The following MYPN variants were observed in gnomAD, a reference collection of about 807,000 sequenced individuals.
MYPN encodes the protein sarcomeric protein myopalladin, 145 kDa (MYOP).
A neutral mutation model predicts 129.4 loss-of-function variants in MYPN; 63 were observed. That is an observed-to-expected ratio of 0.49 (90% CI 0.40 to 0.60). The LOEUF is 0.60. Among genes scored for constraint, MYPN ranks in the 20% least tolerant of loss-of-function variants. MYPN has a pLI of 0.00. For missense variants in MYPN, 1,596 were observed against 1,635.4 expected (o/e 0.98, Z 0.42); for synonymous variants, 629 against 600.9 (o/e 1.05, Z -0.68).
In MYPN at chr10:68,175,309, G is replaced by T; in HGVS notation, c.2565-14G>T. 2 of 1,613,828 alleles carry T rather than the reference G, an allele frequency of 1.2e-6. No individual in the cohort carries two copies. Among genetic ancestry groups the T allele is most frequent in the Non-Finnish European group, 1.7e-6 (2 of 1,179,884 alleles). On this transcript the variant is annotated splice_polypyrimidine_tract_variant and intron_variant, in intron 11 of 19. Coordinates refer to ENST00000358913, the MANE Select transcript of MYPN (RefSeq NM_032578.4). ...GCTTTTCATGGGTGTGTCAGGTGTGGATTTATCTTACAGGCCATCCCAGGG... is the reference window on the plus strand; with the variant it reads ...GCTTTTCATGGGTGTGTCAGGTGTGTATTTATCTTACAGGCCATCCCAGGG...
At position 68,121,494 on chromosome 10, in the gene MYPN, G is replaced by A. The variant is rs1379540680; in HGVS notation, c.56G>A (p.Ser19Asn). Residue 19 changes from serine (S) to asparagine (N), a missense_variant, in exon 2 of 20, where the codon AGC becomes AAC. By Grantham distance (46) the Ser-to-Asn change is conservative. Coordinates refer to ENST00000358913, the MANE Select transcript of MYPN (RefSeq NM_032578.4). ...STSISQLLRE[S>N]YLAETRHRGN... ...TCCATATCTCAGCTTCTAAGAGAGAGCTATTTAGCTGAAACCAGACATCGG... is the reference window on the plus strand; with the variant it reads ...TCCATATCTCAGCTTCTAAGAGAGAACTATTTAGCTGAAACCAGACATCGG... 1 of 1,614,028 alleles carries A rather than the reference G, an allele frequency of 6.2e-7. No homozygotes were observed. Among genetic ancestry groups the A allele is most frequent in the Non-Finnish European group, 8.5e-7 (1 of 1,179,990 alleles).
rs750655311 is a variant in MYPN, at chr10:68,206,873, G to A, written c.3763G>A (p.Val1255Met). Residue 1255 changes from valine (V) to methionine (M), a missense_variant, in exon 19 of 20, where the codon GTG becomes ATG. Transcript: ENST00000358913. The part of the protein sequence containing the change: ...TLSAKNEAGI[V>M]SCTARLDIYA... ...GTCAGCCAAGAATGAAGCCGGCATC[G>A]TGTCGTGCACTGCCAGGCTGGATAT... The A allele has an allele frequency of 6.4e-5, 103 of 1,614,086 alleles. No homozygotes were observed. The highest frequency in any genetic ancestry group is 2.3e-4 in the Admixed American group (14 of 59,998).
At chr10:68,101,689 T>C (rs541439856), upstream of MYPN, among the ~76,000 whole-genome samples, 11 of 152,290 alleles carry the variant, frequency 7.2e-5, no homozygotes, top group Admixed American at 5.9e-4. Flanking sequence ...TGTCTTTTAG[T>C]TGGTGGATTT....
intron 18 of MYPN, among the ~76,000 whole-genome samples, chr10:68,203,791 C>T (rs74817543): frequency 0.15 from 22,150 of 151,054 alleles, 2,115 homozygotes; most frequent in Admixed American, 0.2. Context: ...TGGATGTAAC[C>T]CCATCATAAA....
chr10:68,113,432 A>G (rs971068039), intron 1 of MYPN, among the ~76,000 whole-genome samples: 2 of 152,192 alleles, frequency 1.3e-5, no homozygotes, highest in Non-Finnish European at 2.9e-5. Context: ...GCGGTGGCTC[A>G]TGCCTGTAAT....
At chr10:68,131,082 T>A (rs2042402769) in intron 2 of MYPN, among the ~76,000 whole-genome samples, 1 of 152,188 alleles carries the variant, frequency 6.6e-6, no homozygotes, top group South Asian at 2.1e-4. Context: ...AATTTTGGAA[T>A]CCTCTTACCA....
chr10:68,099,817 C>A (rs138235064), intron 1 of MYPN, among the ~76,000 whole-genome samples: 58 of 152,148 alleles, frequency 3.8e-4, no homozygotes, highest in African/African-American at 1.3e-3. Context: ...AAGGTAATAC[C>A]AATATCACCA....
upstream of MYPN, among the ~76,000 whole-genome samples, chr10:68,101,868 T>A (rs1457679387): frequency 6.6e-6 from 1 of 152,114 alleles, no homozygotes; most frequent in African/African-American, 2.4e-5. Context: ...ATTTTGTTTT[T>A]ATACTTGTTA....
chr10:68,122,981 A>T lies in MYPN; in HGVS notation c.902+641A>T, dbSNP rs773496755. On this transcript the variant is annotated intron_variant, in intron 2 of 19. Coordinates refer to ENST00000358913, the MANE Select transcript of MYPN (RefSeq NM_032578.4). ...CCAATATAAGAATTATTAATAAGATATTTTACATTATTTTTATTATACCAG... is the reference window on the plus strand; with the variant it reads ...CCAATATAAGAATTATTAATAAGATTTTTTACATTATTTTTATTATACCAG... Among the ~76,000 whole-genome samples, 6 of 152,160 alleles carry T rather than the reference A, an allele frequency of 3.9e-5. 1 individual carries two copies. The highest frequency in any genetic ancestry group is 2.0e-4 in the Admixed American group (3 of 15,280).
chr10:68,197,352 G>A lies in MYPN; in HGVS notation c.3159G>A (p.Arg1053=), dbSNP rs1292473253. ...SRLTSAGQSH[R]GRSRVQERDK... ...TATCTGAACATGCTTGTTGTTATAG[G>A]GGAAGATCCCGAGTGCAAGAAAGAG... is the stretch of plus-strand genomic sequence containing the variant. Residue 1053 remains arginine, a splice_region_variant and synonymous_variant, in exon 16 of 20, where the codon AGG becomes AGA. Transcript: ENST00000358913. 2 of 1,613,162 alleles carry A rather than the reference G, an allele frequency of 1.2e-6. No individual in the cohort carries two copies. Among genetic ancestry groups the A allele is most frequent in the Admixed American group, 3.3e-5 (2 of 59,974 alleles).
chr10:68,211,731 T>C lies in MYPN; in HGVS notation c.*1276T>C, dbSNP rs1334675986. ...TTCTGTTATTATGTCTATTATAAGATAACCTAATCTTATATTCTGCAGGAA... is the reference window on the plus strand; with the variant it reads ...TTCTGTTATTATGTCTATTATAAGACAACCTAATCTTATATTCTGCAGGAA... On this transcript the variant is annotated 3_prime_UTR_variant, in exon 20 of 20. Coordinates refer to ENST00000358913, the MANE Select transcript of MYPN (RefSeq NM_032578.4). 2.2e-6 allele frequency: 1 copy of C among 454,016 alleles called. No homozygotes were observed. Among genetic ancestry groups the C allele is most frequent in the Non-Finnish European group, 4.4e-6 (1 of 226,796 alleles). 28.1% of individuals were successfully genotyped at this position (454,016 alleles called of 1,614,324 possible). A position where few individuals can be genotyped will look rare whatever the true frequency, so the allele number is the denominator to read the frequency against.
At chr10:68,193,771 G>A (rs61857181) in intron 13 of MYPN, among the ~76,000 whole-genome samples, 18,995 of 141,958 alleles carry the variant, frequency 0.13, 1,584 homozygotes, top group Middle Eastern at 0.21. Flanking sequence ...AAACTTAACA[G>A]GAAATATATA....
chr10:68,096,472 G>A (rs1274136461), intron 1 of MYPN, among the ~76,000 whole-genome samples: 2 of 152,202 alleles, frequency 1.3e-5, no homozygotes, highest in South Asian at 2.1e-4. Flanking sequence ...TGAGGCAGGA[G>A]AATCACTTGA....
chr10:68,110,882 G>A (rs180779913), intron 1 of MYPN, among the ~76,000 whole-genome samples: 46 of 152,264 alleles, frequency 3.0e-4, no homozygotes, highest in African/African-American at 1.1e-3. Context: ...TTACAGAGGT[G>A]TCAAGAGATA....
At chr10:68,169,740 CTT>C (rs575395237) in intron 10 of MYPN, among the ~76,000 whole-genome samples, 1 of 145,244 alleles carries the variant, frequency 6.9e-6, no homozygotes. Context: ...AAGTCATAGC[CTT>C]TTTTTTTTTT....
At chr10:68,182,835 T>C (rs2043360250) in intron 12 of MYPN, among the ~76,000 whole-genome samples, 1 of 152,172 alleles carries the variant, frequency 6.6e-6, no homozygotes, top group African/African-American at 2.4e-5. Context: ...AAAAACTCAT[T>C]GAGTTCTCTG....
intron 2 of MYPN, among the ~76,000 whole-genome samples, chr10:68,139,614 G>A (rs1158614226): frequency 6.6e-6 from 1 of 152,222 alleles, no homozygotes; most frequent in African/African-American, 2.4e-5. Context: ...GTTTGTACAA[G>A]CTCCTTGTGG....
At chr10:68,187,860 C>G (rs1053171591) in intron 12 of MYPN, among the ~76,000 whole-genome samples, 12 of 152,132 alleles carry the variant, frequency 7.9e-5, no homozygotes, top group African/African-American at 2.9e-4. Context: ...TCATCTGTGT[C>G]TAATGCTGCT....
At chr10:68,196,754 G>A (rs958013168) in intron 15 of MYPN, among the ~76,000 whole-genome samples, 2 of 152,010 alleles carry the variant, frequency 1.3e-5, no homozygotes, top group Admixed American at 1.3e-4. Context: ...CAAAGTGCTA[G>A]GATTACAGGC....
Sources: gnomAD v4.1 joint callset for allele counts (sites outside exome capture counted in the v4.1 genomes callset) on GRCh38, gnomAD v4.1.1 for gene constraint, MANE v1.5 for transcripts, NCBI Gene and HGNC (gene_info 2026-07-23, HGNC 2026-07-21) for gene names.